The following RBFOX3 variants were observed in gnomAD, a reference collection of about 807,000 sequenced individuals.
RBFOX3 encodes the protein RNA binding protein fox-1 homolog 3.
Under a neutral mutation model 48.7 loss-of-function variants are expected in RBFOX3, and 17 were observed. That is an observed-to-expected ratio of 0.35 (90% CI 0.24 to 0.52). The LOEUF (loss-of-function observed/expected upper bound fraction) is 0.52, where lower values mean the gene tolerates loss of function less well. RBFOX3 is among the 20% of genes least tolerant of loss of function. RBFOX3 has a pLI of 0.94. For missense variants in RBFOX3, 382 were observed against 497.5 expected, an observed-to-expected ratio of 0.77 and a Z score of 2.21; for synonymous variants, 212 against 209.5, an observed-to-expected ratio of 1.01 and a Z score of -0.10.
intron 1 of RBFOX3, among the ~76,000 whole-genome samples, chr17:79,570,746 C>A (rs914987282): frequency 2.0e-5 from 3 of 152,198 alleles, no homozygotes; most frequent in Admixed American, 1.3e-4. Context: ...ACAGTCAGTG[C>A]TTTTCATGAA....
chr17:79,607,958 C>T (rs1479565323), intron 1 of RBFOX3, among the ~76,000 whole-genome samples: 4 of 152,228 alleles, frequency 2.6e-5, no homozygotes, highest in Non-Finnish European at 4.4e-5. Flanking sequence ...CCCAGGAGGC[C>T]TCCTTGCTGT....
chr17:79,572,617 C>T (rs908272672), intron 1 of RBFOX3, among the ~76,000 whole-genome samples: 7 of 152,136 alleles, frequency 4.6e-5, no homozygotes, highest in African/African-American at 1.4e-4. Context: ...GCCCTTTCCC[C>T]GGAGGTGGCC....
At position 79,290,595 on chromosome 17, in the gene RBFOX3, A is replaced by C. The variant is rs547932407; in HGVS notation, c.-74+17129T>G. 2.6e-5 allele frequency among the ~76,000 whole-genome samples: 4 copies of C among 152,186 alleles called. No individual in the cohort carries two copies. In the East Asian group the frequency reaches 7.7e-4, roughly 29 times the overall value. On this transcript the variant is annotated intron_variant, in intron 3 of 14. Coordinates refer to ENST00000693108, the MANE Select transcript of RBFOX3 (RefSeq NM_001350451.2). ...GGGCTCTGAGAGCTAGCAGTTAGCAAATGGAGTCTGAGGTTGACCCACGTG... is the reference window on the plus strand; with the variant it reads ...GGGCTCTGAGAGCTAGCAGTTAGCACATGGAGTCTGAGGTTGACCCACGTG...
At chr17:79,514,432 A>G (rs2084956346) in intron 1 of RBFOX3, among the ~76,000 whole-genome samples, 2 of 152,240 alleles carry the variant, frequency 1.3e-5, no homozygotes, top group Admixed American at 6.5e-5. Context: ...GGTAGGTTCT[A>G]GAACCACCAC....
At chr17:79,226,885 G>T (rs1807941385) in intron 4 of RBFOX3, among the ~76,000 whole-genome samples, 1 of 152,244 alleles carries the variant, frequency 6.6e-6, no homozygotes, top group African/African-American at 2.4e-5. Flanking sequence ...GCGTGAGACT[G>T]GATAAGGACA....
chr17:79,146,850 G>A (rs2043145486), intron 4 of RBFOX3, among the ~76,000 whole-genome samples: 1 of 152,216 alleles, frequency 6.6e-6, no homozygotes, highest in Non-Finnish European at 1.5e-5. Context: ...ATGAGGAGGG[G>A]GCAGAGGCCT....
At chr17:79,355,446 G>A (rs76643481) in intron 2 of RBFOX3, among the ~76,000 whole-genome samples, 1,708 of 152,318 alleles carry the variant, frequency 0.011, 28 homozygotes, top group African/African-American at 0.037. Flanking sequence ...AAGTGGCCCC[G>A]GGCGATGGTG....
chr17:79,293,439 CCTTCCTTCCTT>C (rs2073770541), intron 3 of RBFOX3, among the ~76,000 whole-genome samples: 2 of 82,634 alleles, frequency 2.4e-5, no homozygotes, highest in African/African-American at 1.4e-4. Flanking sequence ...TTCCTTCCTT[CCTTCCTTCCTT>C]CCTTCCTTCC....
chr17:79,655,321 G>A, the RBFOX3 span, among the ~76,000 whole-genome samples: 2 of 152,188 alleles, frequency 1.3e-5, no homozygotes, highest in African/African-American at 4.8e-5. Context: ...CCCTGACCAG[G>A]TGACCTTGAG....
chr17:79,440,338 C>T (rs1024827265), intron 2 of RBFOX3, among the ~76,000 whole-genome samples: 6 of 152,186 alleles, frequency 3.9e-5, no homozygotes, highest in African/African-American at 7.2e-5. Context: ...TTTAGGGTCA[C>T]ATTTATTGTC....
chr17:79,494,243 C>G (rs1202757531), intron 1 of RBFOX3, among the ~76,000 whole-genome samples: 2 of 152,186 alleles, frequency 1.3e-5, no homozygotes, highest in African/African-American at 4.8e-5. Context: ...GGGAACCTGT[C>G]CCCTCAGCAG....
rs548050964 is a variant in RBFOX3 at position 79,361,343 on chromosome 17, G to A, written c.-174-53519C>T. Among the ~76,000 whole-genome samples, 14 of 152,274 alleles carry A rather than the reference G, an allele frequency of 9.2e-5. No homozygotes were observed. Among genetic ancestry groups the A allele is most frequent in the South Asian group, 4.1e-4 (2 of 4,822 alleles). Reference sequence around the variant, plus strand: ...GAGACGCTCATCGAGGTGCTTACCCGCTAACAGCTCTGTGCAGGTGGCATG... The same window carrying A: ...GAGACGCTCATCGAGGTGCTTACCCACTAACAGCTCTGTGCAGGTGGCATG... On this transcript the variant is annotated intron_variant, in intron 2 of 14. Coordinates refer to ENST00000693108, the MANE Select transcript of RBFOX3 (RefSeq NM_001350451.2). This position sits in a 1 kb window ranked among gnomAD's most constrained non-coding sequence, Gnocchi z 4.5.
intron 4 of RBFOX3, among the ~76,000 whole-genome samples, chr17:79,121,341 C>T (rs747703213): frequency 6.6e-5 from 10 of 152,248 alleles, no homozygotes; most frequent in African/African-American, 1.2e-4. Flanking sequence ...CAGTCTCTCC[C>T]GTGACAGGGA....
intron 1 of RBFOX3, among the ~76,000 whole-genome samples, chr17:79,513,152 A>G (rs1053045629): frequency 7.2e-5 from 11 of 151,740 alleles, no homozygotes; most frequent in Non-Finnish European, 1.5e-5. Context: ...GTACAGTCCT[A>G]TAGCCAGGGG....
intron 2 of RBFOX3, among the ~76,000 whole-genome samples, chr17:79,317,126 C>T (rs1156526619): frequency 6.6e-6 from 1 of 152,156 alleles, no homozygotes. Context: ...CCATCTCCCC[C>T]ACGGCCACCC....
chr17:79,556,511 A>G (rs2091772828), intron 1 of RBFOX3, among the ~76,000 whole-genome samples: 1 of 152,128 alleles, frequency 6.6e-6, no homozygotes, highest in Non-Finnish European at 1.5e-5. Flanking sequence ...GGAAGTGTTG[A>G]TTTTAACACA....
chr17:79,424,395 G>A (rs1318565649), intron 2 of RBFOX3, among the ~76,000 whole-genome samples: 2 of 152,108 alleles, frequency 1.3e-5, no homozygotes, highest in Non-Finnish European at 2.9e-5. Context: ...GGCTTGGCAG[G>A]AAAGAACAGC....
At chr17:79,295,783 T>C (rs2074242352) in intron 3 of RBFOX3, among the ~76,000 whole-genome samples, 1 of 152,120 alleles carries the variant, frequency 6.6e-6, no homozygotes, top group South Asian at 2.1e-4. Context: ...TGGGATCTAG[T>C]ACCTTCCCTT....
the RBFOX3 span, among the ~76,000 whole-genome samples, chr17:79,630,943 C>T: frequency 0.015 from 2,223 of 152,252 alleles, 56 homozygotes; most frequent in African/African-American, 0.051. Context: ...AGCACGACAG[C>T]CCCCGCCCCA....
Sources: allele counts gnomAD v4.1 joint callset (sites outside exome capture counted in the v4.1 genomes callset), GRCh38; gene constraint gnomAD v4.1.1; non-coding constraint Gnocchi (gnomAD v3.1); transcripts MANE v1.5; gene names NCBI Gene and HGNC (gene_info 2026-07-23, HGNC 2026-07-21).